Variants in CCBE1 observed in about 807,000 individuals in gnomAD.
The protein encoded by CCBE1 is collagen and calcium binding EGF domains 1.
A neutral mutation model predicts 50.0 loss-of-function variants in CCBE1; 37 were observed. The observed-to-expected ratio is 0.74, with a 90% confidence interval of 0.57 to 0.97. CCBE1 has a LOEUF of 0.97. Among genes scored for constraint, CCBE1 ranks in the 50% least tolerant of loss-of-function variants. The pLI is 0.00. For synonymous variants in CCBE1, 234 were observed against 203.7 expected (o/e 1.15, Z -1.27); for missense variants, 538 against 523.8 (o/e 1.03, Z -0.26).
intron 2 of CCBE1, among the ~76,000 whole-genome samples, chr18:59,495,049 G>A (rs909961878): frequency 4.6e-5 from 7 of 152,158 alleles, no homozygotes; most frequent in Non-Finnish European, 8.8e-5. Context: ...GCTGAGGCAG[G>A]ATAATTGCTT....
At chr18:59,657,969 G>A (rs1429866468) in intron 2 of CCBE1, among the ~76,000 whole-genome samples, 3 of 152,112 alleles carry the variant, frequency 2.0e-5, no homozygotes, top group Admixed American at 6.5e-5. Flanking sequence ...TTATAGCCAC[G>A]GGAGGCAGCA....
rs548820582 is a variant in CCBE1, at chr18:59,501,130, T to G, written c.213-20892A>C. On this transcript the variant is annotated intron_variant, in intron 2 of 10. Transcript: ENST00000439986. ...AAAGGATAGCTGCTCATTGAAGAGA[T>G]CTGAATGAGAAGAAATGCAGACATG... Among the ~76,000 whole-genome samples, 5 of 152,254 alleles carry G rather than the reference T, an allele frequency of 3.3e-5. No individual in the cohort carries two copies. In the East Asian group the frequency reaches 7.7e-4, roughly 24 times the overall value.
intron 2 of CCBE1, among the ~76,000 whole-genome samples, chr18:59,628,734 C>T (rs2053817665): frequency 6.6e-6 from 1 of 152,166 alleles, no homozygotes; most frequent in South Asian, 2.1e-4. Context: ...ACCTGTATGT[C>T]CAAGTGCCAG....
intron 2 of CCBE1, among the ~76,000 whole-genome samples, chr18:59,616,093 C>T (rs76807153): frequency 0.042 from 6,463 of 152,220 alleles, 366 homozygotes; most frequent in African/African-American, 0.13. Context: ...ATTCTTGGGG[C>T]ATCCCAACCT....
At chr18:59,489,547 G>A (rs771768769) in intron 2 of CCBE1, among the ~76,000 whole-genome samples, 3 of 152,092 alleles carry the variant, frequency 2.0e-5, no homozygotes, top group Admixed American at 6.6e-5. Flanking sequence ...CCAAGTAGCT[G>A]GGATTACTGG....
chr18:59,591,905 C>G (rs1254885347), intron 2 of CCBE1, among the ~76,000 whole-genome samples: 1 of 152,182 alleles, frequency 6.6e-6, no homozygotes, highest in African/African-American at 2.4e-5. Context: ...AATACCTATA[C>G]AGGTTAAGCC....
intron 2 of CCBE1, among the ~76,000 whole-genome samples, chr18:59,633,343 C>T (rs1433140630): frequency 4.6e-5 from 7 of 152,236 alleles, no homozygotes; most frequent in Non-Finnish European, 1.0e-4. Context: ...TACATTTCCT[C>T]TCTGGTCTAG....
At chr18:59,691,466 C>T (rs889819734) in intron 2 of CCBE1, among the ~76,000 whole-genome samples, 4 of 152,338 alleles carry the variant, frequency 2.6e-5, no homozygotes, top group Middle Eastern at 6.8e-3. Context: ...AGTGCAGTGG[C>T]GTGATCTTGG....
chr18:59,543,845 A>AAAAAAAG (rs1915572873), intron 2 of CCBE1, among the ~76,000 whole-genome samples: 2 of 146,956 alleles, frequency 1.4e-5, no homozygotes, highest in African/African-American at 5.0e-5. Flanking sequence ...AAAAAAAAAA[A>AAAAAAAG]AAAAAAAAAA....
At position 59,686,490 on chromosome 18, in the gene CCBE1, C is replaced by CAT. The variant is rs199880689; in HGVS notation, c.212+10137_212+10138dup. ...GACCTTGACACTATGTAAGAGCTTGCATATATATAAAGACAAGCTAGAACA... is the reference window on the plus strand; with the variant it reads ...GACCTTGACACTATGTAAGAGCTTGCATATATATATAAAGACAAGCTAGAACA... On this transcript the variant is annotated intron_variant, in intron 2 of 10. Transcript: ENST00000439986. 7.3e-3 allele frequency among the ~76,000 whole-genome samples: 1,118 copies of CAT among 152,274 alleles called. 6 individuals carry two copies. Among genetic ancestry groups the CAT allele is most frequent in the African/African-American group, 0.023 (935 of 41,546 alleles).
At chr18:59,588,877 C>G (rs184401920) in intron 2 of CCBE1, among the ~76,000 whole-genome samples, 1 of 152,202 alleles carries the variant, frequency 6.6e-6, no homozygotes, top group Admixed American at 6.5e-5. Context: ...CTGATGCCCC[C>G]TCGGGAGGCT....
rs992907131 is a variant in CCBE1 at position 59,431,802 on chromosome 18, C to A, written c.*4106G>T. 1.3e-5 allele frequency: 2 copies of A among 152,188 alleles called. No individual in the cohort carries two copies. Among genetic ancestry groups the A allele is most frequent in the African/African-American group, 2.4e-5 (1 of 41,424 alleles). The allele number at this position is 152,188 out of a possible 1,614,324, so 9.4% of individuals were successfully genotyped here. ...AATGACTTCCTTTGGTCAATGAATC[C>A]AATGGCAGATGTCGGGCATTAACTC... On this transcript the variant is annotated 3_prime_UTR_variant, in exon 11 of 11. Transcript: ENST00000439986.
chr18:59,612,243 T>C (rs2053578246), intron 2 of CCBE1, among the ~76,000 whole-genome samples: 1 of 143,220 alleles, frequency 7.0e-6, no homozygotes, highest in East Asian at 2.1e-4. Flanking sequence ...TGTATACATA[T>C]GTAACTATCC....
chr18:59,461,063 A>C lies in CCBE1; in HGVS notation c.553+5676T>G, dbSNP rs187433313. On this transcript the variant is annotated intron_variant, in intron 5 of 10. Coordinates refer to ENST00000439986, the MANE Select transcript of CCBE1 (RefSeq NM_133459.4). The stretch of plus-strand genomic sequence containing the variant: ...ATACCAAATTATGAAAAATGTCTGA[A>C]AGGGTGAAAGGGTCTTCAAAGCTCA... 7.9e-4 allele frequency among the ~76,000 whole-genome samples: 121 copies of C among 152,240 alleles called. 1 individual carries two copies. The highest frequency in any genetic ancestry group is 2.7e-3 in the African/African-American group (113 of 41,546).
chr18:59,645,333 T>C (rs1303773313), intron 2 of CCBE1, among the ~76,000 whole-genome samples: 1 of 152,182 alleles, frequency 6.6e-6, no homozygotes, highest in Non-Finnish European at 1.5e-5. Context: ...AACCAGCACT[T>C]TACATCTGGA....
intron 2 of CCBE1, among the ~76,000 whole-genome samples, chr18:59,596,393 C>A (rs73961274): frequency 1.3e-5 from 2 of 152,136 alleles, no homozygotes; most frequent in South Asian, 2.1e-4. Flanking sequence ...GAAGGTGTCA[C>A]GGGACTGTAA....
At chr18:59,613,882 T>TG (rs2053603782) in intron 2 of CCBE1, among the ~76,000 whole-genome samples, 1 of 137,806 alleles carries the variant, frequency 7.3e-6, no homozygotes, top group African/African-American at 3.0e-5. Flanking sequence ...TTTTTTTTTT[T>TG]TTTTGGCAGG....
At chr18:59,467,895 AC>A (rs1184711914) in intron 4 of CCBE1, among the ~76,000 whole-genome samples, 1 of 152,084 alleles carries the variant, frequency 6.6e-6, no homozygotes, top group Non-Finnish European at 1.5e-5. Flanking sequence ...CAACTATGTC[AC>A]CTGTAGACCG....
chr18:59,508,784 A>T (rs1914003503), intron 2 of CCBE1, among the ~76,000 whole-genome samples: 2 of 132,074 alleles, frequency 1.5e-5, no homozygotes, highest in South Asian at 4.8e-4. Context: ...TAGGGCCATC[A>T]TGGCTCACTG....
Sources: allele counts gnomAD v4.1 joint callset (sites outside exome capture counted in the v4.1 genomes callset), GRCh38; gene constraint gnomAD v4.1.1; transcripts MANE v1.5; gene names NCBI Gene and HGNC (gene_info 2026-07-23, HGNC 2026-07-21).